Variants in PRIM2 observed in about 807,000 individuals in gnomAD.
The protein encoded by PRIM2 is DNA primase subunit 2.
A neutral mutation model predicts 67.3 loss-of-function variants in PRIM2; 39 were observed. That is an observed-to-expected ratio of 0.58 (90% confidence interval 0.45 to 0.76). The LOEUF is 0.76. Among genes scored for constraint, PRIM2 ranks in the 30% least tolerant of loss-of-function variants. The pLI, the probability that PRIM2 is intolerant of heterozygous loss-of-function variation, is 0.00. For missense variants in PRIM2, 398 were observed against 598.7 expected (o/e 0.66, Z 3.50); for synonymous variants, 143 against 198.7 (o/e 0.72, Z 2.36).
chr6:57,515,600 A>AT (rs1413824283), intron 8 of PRIM2, among the ~76,000 whole-genome samples: 2 of 151,782 alleles, frequency 1.3e-5, no homozygotes, highest in Non-Finnish European at 2.9e-5. Flanking sequence ...CTTTATACCC[A>AT]TTTTTTCAAA....
intron 9 of PRIM2, among the ~76,000 whole-genome samples, chr6:57,533,773 A>G (rs1397311828): frequency 1.2e-4 from 18 of 152,232 alleles, no homozygotes; most frequent in African/African-American, 4.3e-4. Context: ...TTTAATGGAT[A>G]TGTATTGAGC....
intron 5 of PRIM2, among the ~76,000 whole-genome samples, chr6:57,364,587 G>T (rs1212895300): frequency 6.6e-6 from 1 of 152,106 alleles, no homozygotes; most frequent in Non-Finnish European, 1.5e-5. Context: ...TCTGTGGTTA[G>T]GAGAGAGATG....
Position 57,625,930 on chromosome 6 carries a change from G to A in PRIM2, c.1231-6203G>A, listed in dbSNP as rs1379218963. Among the ~76,000 whole-genome samples the A allele has an allele frequency of 2.0e-5, 3 of 152,348 alleles. No homozygotes were observed. In the East Asian group the frequency reaches 5.8e-4, roughly 29 times the overall value. On this transcript the variant is annotated intron_variant, in intron 12 of 13. Transcript: ENST00000615550. Reference sequence around the variant, plus strand: ...AAGTCGTATGTTCAAAAATTTGCAAGACTTGGCATCTCCACCACATTTTTC... The same window carrying A: ...AAGTCGTATGTTCAAAAATTTGCAAAACTTGGCATCTCCACCACATTTTTC...
At chr6:57,375,458 A>G (rs1199497954) in intron 5 of PRIM2, among the ~76,000 whole-genome samples, 1 of 152,188 alleles carries the variant, frequency 6.6e-6, no homozygotes, top group Non-Finnish European at 1.5e-5. Context: ...GTGCTGCTGG[A>G]TTCGGTTTAC....
Position 57,532,262 on chromosome 6 carries a change from C to T in PRIM2, c.762-149C>T, listed in dbSNP as rs1159011559. ...TTACTTAAATTAATTTCATTAAATA[C>T]GTTTAAAACACTTGGCTATGTTTCT... On this transcript the variant is annotated intron_variant, in intron 8 of 13. Coordinates refer to ENST00000615550, the MANE Select transcript of PRIM2 (RefSeq NM_000947.5). 1,863 of 402,982 alleles carry T rather than the reference C, an allele frequency of 4.6e-3. 27 individuals are homozygous for T. Among genetic ancestry groups the T allele is most frequent in the African/African-American group, 0.035 (1,675 of 48,544 alleles). 25.0% of individuals were successfully genotyped at this position (402,982 alleles called of 1,614,324 possible). A position where few individuals can be genotyped will look rare whatever the true frequency, so the allele number is the denominator to read the frequency against.
the PRIM2 span, among the ~76,000 whole-genome samples, chr6:57,257,375 G>A: frequency 6.6e-6 from 1 of 151,314 alleles, no homozygotes; most frequent in Non-Finnish European, 1.5e-5. Flanking sequence ...GGATTCAAGC[G>A]ATTCTCCTGC....
chr6:57,229,423 G>A, the PRIM2 span, among the ~76,000 whole-genome samples: 3 of 151,682 alleles, frequency 2.0e-5, no homozygotes, highest in Non-Finnish European at 2.9e-5. Context: ...CTTTTCTCCT[G>A]TAGTCAAATT....
At chr6:57,353,129 G>A (rs1768908814) in intron 5 of PRIM2, among the ~76,000 whole-genome samples, 3 of 143,628 alleles carry the variant, frequency 2.1e-5, no homozygotes, top group Non-Finnish European at 3.0e-5. Context: ...TGAGACCCAT[G>A]GTGAAATCCC....
chr6:57,459,811 T>C (rs1772936999), intron 7 of PRIM2, among the ~76,000 whole-genome samples: 1 of 152,212 alleles, frequency 6.6e-6, no homozygotes, highest in African/African-American at 2.4e-5. Context: ...TAAAGTCAGC[T>C]GATTGTCAAT....
chr6:57,392,079 G>C (rs115066100), intron 7 of PRIM2, among the ~76,000 whole-genome samples: 1 of 151,962 alleles, frequency 6.6e-6, no homozygotes, highest in Admixed American at 6.6e-5. Flanking sequence ...TTATTGTTGC[G>C]ATCTTTCACC....
the PRIM2 span, among the ~76,000 whole-genome samples, chr6:57,240,020 A>T: frequency 6.6e-6 from 1 of 152,046 alleles, no homozygotes. Flanking sequence ...GAACATAATT[A>T]TAAGTACTCC....
intron 5 of PRIM2, among the ~76,000 whole-genome samples, chr6:57,343,391 T>C (rs1768559925): frequency 6.6e-6 from 1 of 152,234 alleles, no homozygotes; most frequent in African/African-American, 2.4e-5. Context: ...CAAGTTATTA[T>C]AAGCCTATTA....
chr6:57,566,059 G>GT (rs1448953116), intron 10 of PRIM2, among the ~76,000 whole-genome samples: 29 of 137,766 alleles, frequency 2.1e-4, no homozygotes, highest in Middle Eastern at 8.2e-3. Flanking sequence ...TTTTGTTTTT[G>GT]TTTTTTTTTC....
chr6:57,222,810 G>T, the PRIM2 span, among the ~76,000 whole-genome samples: 6 of 152,314 alleles, frequency 3.9e-5, no homozygotes, highest in East Asian at 1.2e-3. Flanking sequence ...AATACCAAGT[G>T]TTGGCCAGGA....
chr6:57,270,808 A>G, the PRIM2 span, among the ~76,000 whole-genome samples: 5 of 152,158 alleles, frequency 3.3e-5, no homozygotes, highest in Non-Finnish European at 5.9e-5. Flanking sequence ...TCCCATCAAT[A>G]CCTAATTTAT....
chr6:57,616,462 C>G (rs1776759566), intron 12 of PRIM2, among the ~76,000 whole-genome samples: 1 of 151,938 alleles, frequency 6.6e-6, no homozygotes. Context: ...AGTTGAAATT[C>G]TTTTTGGTTT....
At chr6:57,283,735 T>G in the PRIM2 span, among the ~76,000 whole-genome samples, 1 of 152,182 alleles carries the variant, frequency 6.6e-6, no homozygotes, top group African/African-American at 2.4e-5. Context: ...ATTTGTTGAG[T>G]TTGGCCTTCT....
At chr6:57,377,885 A>C (rs1769820835) in intron 5 of PRIM2, among the ~76,000 whole-genome samples, 2 of 140,990 alleles carry the variant, frequency 1.4e-5, no homozygotes, top group African/African-American at 6.5e-5. Context: ...GGTTTTGTGC[A>C]CATTGCTTGA....
the PRIM2 span, among the ~76,000 whole-genome samples, chr6:57,291,496 A>G: frequency 6.6e-6 from 1 of 152,222 alleles, no homozygotes; most frequent in Non-Finnish European, 1.5e-5. Context: ...AACTCATTTC[A>G]TGAGGCCAGC....
Sources: allele counts gnomAD v4.1 joint callset (sites outside exome capture counted in the v4.1 genomes callset), GRCh38; gene constraint gnomAD v4.1.1; transcripts MANE v1.5; gene names NCBI Gene and HGNC (gene_info 2026-07-23, HGNC 2026-07-21).